IL1RAPL1: variants seen among roughly 807,000 people sequenced by gnomAD.
IL1RAPL1 encodes the protein interleukin 1 receptor accessory protein like 1, also known as interleukin-1 receptor accessory protein-like 1.
In IL1RAPL1, 3 loss-of-function variants were observed where a neutral mutation model predicts 48.4. The ratio of observed to expected loss-of-function variants is 0.06; its 90% CI spans 0.03 to 0.16. The LOEUF is 0.16. Among genes scored for constraint, IL1RAPL1 ranks in the 10% least tolerant of loss-of-function variants. The pLI, the probability that IL1RAPL1 is intolerant of heterozygous loss-of-function variation, is 1.00. For missense variants in IL1RAPL1, 349 were observed against 530.6 expected (o/e 0.66, Z 3.36); for synonymous variants, 185 against 187.7 (o/e 0.99, Z 0.12).
intron 2 of IL1RAPL1, among the ~76,000 whole-genome samples, chrX:29,242,253 C>A (rs1274896007): frequency 1.8e-5 from 2 of 112,341 alleles, no homozygotes; most frequent in African/African-American, 3.2e-5. Context: ...GTGTTTTACT[C>A]AATATAGTTT....
At chrX:28,973,453 C>T (rs1342375119) in intron 2 of IL1RAPL1, among the ~76,000 whole-genome samples, 3 of 111,866 alleles carry the variant, frequency 2.7e-5, no homozygotes, top group African/African-American at 6.5e-5. Flanking sequence ...GATTTATTTC[C>T]TGCCCAAACA....
intron 6 of IL1RAPL1, among the ~76,000 whole-genome samples, chrX:29,784,449 A>C (rs1280566641): frequency 9.0e-6 from 1 of 111,628 alleles, no homozygotes; most frequent in African/African-American, 3.3e-5. Flanking sequence ...TTGGCTATTC[A>C]TACACAGGTA....
At chrX:29,785,997 C>T (rs1260515337) in intron 6 of IL1RAPL1, among the ~76,000 whole-genome samples, 2 of 77,874 alleles carry the variant, frequency 2.6e-5, no homozygotes, top group African/African-American at 1.1e-4. Flanking sequence ...AGCATTCAGG[C>T]TTCAGAGATT....
At position 29,088,841 on chromosome X, in the gene IL1RAPL1, T is replaced by A. The variant is rs1290329194; in HGVS notation, c.83-194097T>A. 2.7e-5 allele frequency among the ~76,000 whole-genome samples: 3 copies of A among 110,796 alleles called. No individual in the cohort carries two copies. The East Asian group carries it at 8.5e-4, about 31-fold the overall frequency. On this transcript the variant is annotated intron_variant, in intron 2 of 10. Coordinates refer to ENST00000378993, the MANE Select transcript of IL1RAPL1 (RefSeq NM_014271.4). ...AATTATATTTAATGCAAAAAAGAAT[T>A]ATAAAAAATCCCTATAAAGAAAATA...
At chrX:29,357,931 A>G (rs1449612981) in intron 3 of IL1RAPL1, among the ~76,000 whole-genome samples, 1 of 111,829 alleles carries the variant, frequency 8.9e-6, no homozygotes, top group Non-Finnish European at 1.9e-5. Flanking sequence ...GGTATGATCT[A>G]GTGATAATAG....
intron 3 of IL1RAPL1, among the ~76,000 whole-genome samples, chrX:29,294,485 C>T (rs1460805275): frequency 2.8e-5 from 3 of 106,055 alleles, no homozygotes; most frequent in East Asian, 2.9e-4. Context: ...CCACTGCACT[C>T]CAGCCTGGGT....
chrX:28,979,203 G>A (rs1446936502), intron 2 of IL1RAPL1, among the ~76,000 whole-genome samples: 1 of 111,823 alleles, frequency 8.9e-6, no homozygotes, highest in Non-Finnish European at 1.9e-5. Context: ...GAGGGTAACA[G>A]TTAGGCAGGA....
chrX:29,071,799 G>A (rs1052491826), intron 2 of IL1RAPL1, among the ~76,000 whole-genome samples: 4 of 111,869 alleles, frequency 3.6e-5, no homozygotes, highest in Non-Finnish European at 7.5e-5. Flanking sequence ...GTTGGCACAT[G>A]TCATAAAATC....
intron 3 of IL1RAPL1, among the ~76,000 whole-genome samples, chrX:29,368,561 G>A (rs73212181): frequency 0.39 from 41,032 of 105,859 alleles, 7,369 homozygotes; most frequent in Middle Eastern, 0.55. Context: ...TTTTTTGTTT[G>A]GGGTGTTTGT....
chrX:29,166,762 C>G (rs1268318104), intron 2 of IL1RAPL1, among the ~76,000 whole-genome samples: 2 of 111,606 alleles, frequency 1.8e-5, no homozygotes, highest in Middle Eastern at 4.7e-3. Flanking sequence ...TTCCTCTCAT[C>G]TTACTCTCTC....
In IL1RAPL1 at chrX:29,367,905, T is replaced by TTA. The variant is rs1401587183; in HGVS notation, c.363-28343_363-28342dup. 2.7e-5 allele frequency among the ~76,000 whole-genome samples: 3 copies of TTA among 109,541 alleles called. No individual in the cohort carries two copies. In the East Asian group the frequency reaches 8.5e-4, roughly 31 times the overall value. On this transcript the variant is annotated intron_variant, in intron 3 of 10. Transcript: ENST00000378993. ...CACTTATTAATAGAGGACTAAAAAT[T>TTA]TATATATATATCTTTATACAAATGT...
intron 1 of IL1RAPL1, among the ~76,000 whole-genome samples, chrX:28,786,491 C>T (rs1220484126): frequency 1.8e-5 from 2 of 111,300 alleles, no homozygotes; most frequent in Non-Finnish European, 3.8e-5. Flanking sequence ...ACAAAAATCC[C>T]GGAAGCTTTG....
chrX:28,962,960 A>G (rs1044440595), intron 2 of IL1RAPL1, among the ~76,000 whole-genome samples: 1 of 109,283 alleles, frequency 9.2e-6, no homozygotes, highest in Admixed American at 1.0e-4. Flanking sequence ...TCAAGTTTTT[A>G]TACTGCAGCA....
chrX:29,013,198 T>A (rs867295215), intron 2 of IL1RAPL1, among the ~76,000 whole-genome samples: 4 of 97,321 alleles, frequency 4.1e-5, no homozygotes, highest in South Asian at 4.8e-4. Context: ...ATTAAAAAGT[T>A]AAAAAAAAAA....
chrX:28,682,885 G>C (rs1276506491), intron 1 of IL1RAPL1, among the ~76,000 whole-genome samples: 1 of 111,760 alleles, frequency 8.9e-6, no homozygotes, highest in African/African-American at 3.2e-5. Flanking sequence ...ATACTTTCTA[G>C]CTCCTGGCTA....
intron 6 of IL1RAPL1, among the ~76,000 whole-genome samples, chrX:29,785,542 C>T (rs1929476146): frequency 8.9e-6 from 1 of 112,073 alleles, no homozygotes; most frequent in Non-Finnish European, 1.9e-5. Flanking sequence ...AACCCATAGC[C>T]AACATTGTAA....
chrX:29,420,243 C>G (rs1242495438), intron 5 of IL1RAPL1, among the ~76,000 whole-genome samples: 5 of 112,118 alleles, frequency 4.5e-5, no homozygotes, highest in African/African-American at 9.7e-5. Context: ...TGGCAGAAAG[C>G]CTTACCCTAA....
At chrX:28,589,812 G>C (rs746347616) in intron 1 of IL1RAPL1, among the ~76,000 whole-genome samples, 3 of 111,490 alleles carry the variant, frequency 2.7e-5, no homozygotes, top group Non-Finnish European at 5.7e-5. Context: ...TCTTAACCAT[G>C]ACAATCTCTT....
chrX:28,658,948 C>G (rs1248139031), intron 1 of IL1RAPL1: 3 of 391,415 alleles, frequency 7.7e-6, no homozygotes, highest in Non-Finnish European at 1.3e-5. Context: ...CAATCACATA[C>G]TTAGGTACAT....
Sources: allele counts gnomAD v4.1 joint callset (sites outside exome capture counted in the v4.1 genomes callset), GRCh38; gene constraint gnomAD v4.1.1; transcripts MANE v1.5; gene names NCBI Gene and HGNC (gene_info 2026-07-23, HGNC 2026-07-21).